Variants in SMCHD1 observed in about 807,000 individuals in gnomAD.
SMCHD1 encodes the protein structural maintenance of chromosomes flexible hinge domain containing 1, also known as structural maintenance of chromosomes flexible hinge domain-containing protein 1.
SMCHD1 carries 78 observed loss-of-function variants against 254.7 expected under a neutral mutation model. The ratio of observed to expected loss-of-function variants is 0.31; its 90% CI spans 0.26 to 0.37. The LOEUF is 0.37. Among genes scored for constraint, SMCHD1 ranks in the 10% least tolerant of loss-of-function variants. The pLI is 1.00. For synonymous variants in SMCHD1, 766 were observed against 794.9 expected (o/e 0.96, Z 0.61); for missense variants, 1,840 against 2,408.1 (o/e 0.76, Z 4.94).
chr18:2,702,243 C>CA (rs1467420497), intron 12 of SMCHD1: 1 of 135,018 alleles, frequency 7.4e-6, no homozygotes, highest in Non-Finnish European at 1.5e-5. Flanking sequence ...GGCTTGAGGC[C>CA]AGGAGTTCAA....
Position 2,795,980 on chromosome 18 carries a change from C to A in SMCHD1, c.5751C>A (p.Cys1917Ter). Residue 1917 changes from cysteine (C) to a stop codon, truncating the protein, a stop_gained, in exon 46 of 48, where the codon TGC becomes TGA. Transcript: ENST00000320876. LOFTEE classifies it high-confidence loss of function. Reference protein sequence around the residue: ...DLLQQYRSAVCKLDSVNKDLN... With the variant: ...DLLQQYRSAV ...TTCAGCAGTATCGTTCTGCTGTGTG[C>A]AAACTAGACAGTGTGAATAAGGATC... 6.3e-7 allele frequency: 1 copy of A among 1,596,904 alleles called. No homozygotes were observed. The highest frequency in any genetic ancestry group is 1.1e-5 in the South Asian group (1 of 87,932).
chr18:2,713,740 T>G (rs1020549355), intron 17 of SMCHD1, among the ~76,000 whole-genome samples: 1 of 152,234 alleles, frequency 6.6e-6, no homozygotes, highest in African/African-American at 2.4e-5. Context: ...ACATAAAGAT[T>G]ATTTAAGAGT....
At chr18:2,721,648 T>A (rs2074930522) in intron 19 of SMCHD1, among the ~76,000 whole-genome samples, 2 of 152,188 alleles carry the variant, frequency 1.3e-5, no homozygotes, top group African/African-American at 4.8e-5. Context: ...TATGCCATGG[T>A]ACCTTCACTT....
At chr18:2,721,411 T>C (rs2074924250) in intron 19 of SMCHD1, among the ~76,000 whole-genome samples, 1 of 152,144 alleles carries the variant, frequency 6.6e-6, no homozygotes, top group African/African-American at 2.4e-5. Flanking sequence ...GGAGACTTTT[T>C]TATACATAAA....
intron 19 of SMCHD1, among the ~76,000 whole-genome samples, chr18:2,722,270 G>A (rs1440914912): frequency 1.3e-5 from 2 of 152,018 alleles, no homozygotes; most frequent in East Asian, 1.9e-4. Context: ...AGACCCTGCC[G>A]CTACAAAAAA....
At chr18:2,700,453 T>C (rs969330416) in intron 10 of SMCHD1, 86 bp from the exon 11 acceptor site, 2 of 1,383,996 alleles carry the variant, frequency 1.4e-6, no homozygotes, top group Non-Finnish European at 2.0e-6. Context: ...TTTTATAGAA[T>C]GCAATTTGAA....
At chr18:2,790,303 G>C (rs2076299628) in intron 45 of SMCHD1, among the ~76,000 whole-genome samples, 1 of 152,188 alleles carries the variant, frequency 6.6e-6, no homozygotes, top group South Asian at 2.1e-4. Flanking sequence ...GTCAATGACA[G>C]TCCAAAATAG....
chr18:2,690,865 TC>T (rs1458276611), intron 7 of SMCHD1, among the ~76,000 whole-genome samples: 1 of 151,530 alleles, frequency 6.6e-6, no homozygotes, highest in African/African-American at 2.4e-5. Flanking sequence ...CACATACACT[TC>T]CAACAACTGT....
Position 2,770,192 on chromosome 18 carries a change from A to G in SMCHD1, c.4966+84A>G, listed in dbSNP as rs939253595. On this transcript the variant is annotated intron_variant, in intron 39 of 47. Coordinates refer to ENST00000320876, the MANE Select transcript of SMCHD1 (RefSeq NM_015295.3). ...GATCGTGATACACAAACAAGCTTCC[A>G]CTTTCCTAAATTACAAGTAAAATAC... is the stretch of plus-strand genomic sequence containing the variant. 3 of 1,375,896 alleles carry G rather than the reference A, an allele frequency of 2.2e-6. No individual in the cohort carries two copies. The African/African-American group carries it at 4.5e-5, about 20-fold the overall frequency. 85.2% of individuals were successfully genotyped at this position (1,375,896 alleles called of 1,614,324 possible).
intron 42 of SMCHD1, among the ~76,000 whole-genome samples, chr18:2,776,207 G>A (rs1287960907): frequency 6.6e-6 from 1 of 151,990 alleles, no homozygotes; most frequent in Non-Finnish European, 1.5e-5. Context: ...AACACACAAA[G>A]ACATAATATT....
In SMCHD1 at chr18:2,656,237, G is replaced by C; in HGVS notation, c.162G>C (p.Ala54=). The change falls in exon 1 of 48, where the codon GCG becomes GCC. Residue 54 remains alanine (A), a synonymous_variant. Transcript: ENST00000320876. ...PLQVGERSDY[A]GFRACVCQTL... ...AGGTCGGGGAGCGCTCGGACTACGC[G>C]GGATTTCGCGCGTGTGTGTGTCAGG... The C allele has an allele frequency of 1.3e-6, 2 of 1,502,842 alleles. No homozygotes were observed. The highest frequency in any genetic ancestry group is 1.8e-6 in the Non-Finnish European group (2 of 1,135,634). 93.1% of individuals were successfully genotyped at this position (1,502,842 alleles called of 1,614,324 possible).
At chr18:2,759,142 C>T (rs2143672190) in intron 34 of SMCHD1, among the ~76,000 whole-genome samples, 1 of 152,174 alleles carries the variant, frequency 6.6e-6, no homozygotes, top group South Asian at 2.1e-4. Context: ...TAGTTCTGTC[C>T]TTCATGTATC....
chr18:2,761,925 C>G lies in SMCHD1; in HGVS notation c.4435-180C>G, dbSNP rs11665114. Among the ~76,000 whole-genome samples the G allele has an allele frequency of 0.086, 13,095 of 152,190 alleles. 931 individuals carry two copies. The highest frequency in any genetic ancestry group is 0.42 in the East Asian group (2,173 of 5,178). On this transcript the variant is annotated intron_variant, in intron 35 of 47. Transcript: ENST00000320876. ...GTAAACATCCAAAAATTAACCTGAC[C>G]TAACTTTTTTATGCTGAATTTTAAA...
intron 47 of SMCHD1, among the ~76,000 whole-genome samples, chr18:2,798,059 C>T (rs1305288706): frequency 6.6e-6 from 1 of 152,114 alleles, no homozygotes; most frequent in Non-Finnish European, 1.5e-5. Flanking sequence ...GGATTGGTTT[C>T]AGTCAGAGGT....
At chr18:2,796,280 G>T in intron 46 of SMCHD1, 127 bp from the exon 47 acceptor site, 1 of 831,280 alleles carries the variant, frequency 1.2e-6, no homozygotes, top group Non-Finnish European at 1.8e-6. Flanking sequence ...TTCACCAGAA[G>T]TAATAGGCAT....
chr18:2,700,398 T>C, intron 10 of SMCHD1, 141 bp from the exon 11 acceptor site: 1 of 885,040 alleles, frequency 1.1e-6, no homozygotes, highest in South Asian at 1.9e-5. Context: ...AACCACTTTG[T>C]AAACCTACCT....
intron 3 of SMCHD1, among the ~76,000 whole-genome samples, chr18:2,667,319 C>A (rs2073467880): frequency 2.0e-5 from 3 of 152,176 alleles, no homozygotes; most frequent in Admixed American, 2.0e-4. Flanking sequence ...ACTCTCTTCT[C>A]CTGATTTCCT....
Position 2,772,331 on chromosome 18 carries a change from C to T in SMCHD1, c.5134C>T (p.Leu1712Phe). The T allele has an allele frequency of 6.2e-7, 1 of 1,603,486 alleles. No homozygotes were observed. The highest frequency in any genetic ancestry group is 8.5e-7 in the Non-Finnish European group (1 of 1,176,024). ...LKKKPRRSCTLPNYTKGSGDV... is the reference protein window; with the variant it reads ...LKKKPRRSCTFPNYTKGSGDV... ...GAAAAAACCTAGAAGATCGTGTACT[C>T]TTCCAAACTATACTAAAGGCAGTGG... Residue 1712 changes from leucine (L) to phenylalanine (F), a missense_variant, in exon 41 of 48, where the codon CTT becomes TTT. Coordinates refer to ENST00000320876, the MANE Select transcript of SMCHD1 (RefSeq NM_015295.3).
Position 2,655,942 on chromosome 18 carries a change from G to A in SMCHD1, c.-134G>A. On this transcript the variant is annotated 5_prime_UTR_variant, in exon 1 of 48. Coordinates refer to ENST00000320876, the MANE Select transcript of SMCHD1 (RefSeq NM_015295.3). ...CCGCTGCTCGGCCGCCGCCGCTGAC[G>A]AGGAGCTGCAGCGCGCCGGGCCGAG... 1 of 609,982 alleles carries A rather than the reference G, an allele frequency of 1.6e-6. No homozygotes were observed. Among genetic ancestry groups the A allele is most frequent in the Non-Finnish European group, 2.4e-6 (1 of 423,138 alleles). 37.8% of individuals were successfully genotyped at this position (609,982 alleles called of 1,614,324 possible). A position where few individuals can be genotyped will look rare whatever the true frequency, so the allele number is the denominator to read the frequency against.
Sources: gnomAD v4.1 joint callset for allele counts (sites outside exome capture counted in the v4.1 genomes callset) on GRCh38, gnomAD v4.1.1 for gene constraint, MANE v1.5 for transcripts, NCBI Gene and HGNC (gene_info 2026-07-23, HGNC 2026-07-21) for gene names.